Variants in ANKRD17 observed in about 807,000 individuals in gnomAD.
The protein encoded by ANKRD17 is ankyrin repeat domain-containing protein 17.
A neutral mutation model predicts 229.7 loss-of-function variants in ANKRD17; 19 were observed. The ratio of observed to expected loss-of-function variants is 0.08; its 90% CI spans 0.06 to 0.12. ANKRD17 has a LOEUF of 0.12. ANKRD17 is among the 10% of genes least tolerant of loss of function. ANKRD17 has a pLI of 1.00. For missense variants in ANKRD17, 2,176 were observed against 3,176.8 expected, an observed-to-expected ratio of 0.68 and a Z score of 7.57; for synonymous variants, 1,112 against 1,146.1, an observed-to-expected ratio of 0.97 and a Z score of 0.60.
intron 16 of ANKRD17, among the ~76,000 whole-genome samples, chr4:73,129,285 G>C (rs1727875951): frequency 1.3e-5 from 2 of 152,152 alleles, no homozygotes; most frequent in Admixed American, 1.3e-4. Flanking sequence ...TATTCTGTAA[G>C]TTATCAACAT....
rs371418274 is a variant in ANKRD17 at position 73,139,721 on chromosome 4, C to T, written c.2895G>A (p.Ala965=). The change falls in exon 15 of 34, where the codon GCG becomes GCA. Residue 965 remains alanine, a synonymous_variant. Transcript: ENST00000358602. The part of the protein sequence containing the change: ...PLAMPQALPL[A]AGPLPPGSIA... ...TGGACCCTGGAGGCAAGGGACCTGC[C>T]GCCAGAGGCAAAGCTTGAGGCATCG... 59 of 1,614,060 alleles carry T rather than the reference C, an allele frequency of 3.7e-5. No individual in the cohort carries two copies. The highest frequency in any genetic ancestry group is 4.5e-5 in the East Asian group (2 of 44,886).
intron 21 of ANKRD17, among the ~76,000 whole-genome samples, chr4:73,119,256 T>C (rs1726397536): frequency 6.6e-6 from 1 of 152,178 alleles, no homozygotes; most frequent in South Asian, 2.1e-4. Flanking sequence ...AAATATTCTG[T>C]AAAGATAAAA....
At chr4:73,097,298 T>C (rs781499552) in intron 26 of ANKRD17, 26 bp from the exon 27 acceptor site, 1 of 1,547,562 alleles carries the variant, frequency 6.5e-7, no homozygotes, top group Non-Finnish European at 8.7e-7. Flanking sequence ...GGAAAGTACA[T>C]TAAATATGGA....
chr4:73,113,315 AAAGAG>A, intron 24 of ANKRD17: 3 of 1,289,360 alleles, frequency 2.3e-6, no homozygotes, highest in Non-Finnish European at 3.0e-6. Context: ...AGTCTGCCTG[AAAGAG>A]AAAAGTACAA....
chr4:73,211,871 T>TA (rs1444605333), intron 1 of ANKRD17, among the ~76,000 whole-genome samples: 1 of 147,040 alleles, frequency 6.8e-6, no homozygotes, highest in Non-Finnish European at 1.5e-5. Flanking sequence ...AAAAAAAATC[T>TA]AATTGTAAGC....
chr4:73,105,288 C>T (rs1724480694), intron 24 of ANKRD17, among the ~76,000 whole-genome samples: 1 of 151,600 alleles, frequency 6.6e-6, no homozygotes, highest in Non-Finnish European at 1.5e-5. Flanking sequence ...ATGAGGTAAC[C>T]AGAGGAAAAA....
intron 2 of ANKRD17, among the ~76,000 whole-genome samples, chr4:73,165,613 T>C (rs1219070925): frequency 6.6e-6 from 1 of 152,168 alleles, no homozygotes; most frequent in Non-Finnish European, 1.5e-5. Flanking sequence ...ATTTGACAGA[T>C]TTTACTCCCA....
intron 30 of ANKRD17, among the ~76,000 whole-genome samples, chr4:73,080,559 GT>G (rs1172051001): frequency 2.6e-5 from 4 of 152,128 alleles, no homozygotes; most frequent in African/African-American, 9.7e-5. Flanking sequence ...ACAAAAGCTT[GT>G]TTTTTAAAAA....
intron 1 of ANKRD17, among the ~76,000 whole-genome samples, chr4:73,251,164 G>A (rs909299521): frequency 1.3e-5 from 2 of 152,074 alleles, no homozygotes; most frequent in African/African-American, 4.8e-5. Context: ...GAGTTTCACA[G>A]GACAGAAGGC....
In ANKRD17 at chr4:73,148,913, T is replaced by C. The variant is rs1434296978; in HGVS notation, c.1467A>G (p.Arg489=). 6.2e-7 allele frequency: 1 copy of C among 1,613,860 alleles called. No homozygotes were observed. Among genetic ancestry groups the C allele is most frequent in the Non-Finnish European group, 8.5e-7 (1 of 1,179,972 alleles). The change falls in exon 8 of 34, where the codon AGA becomes AGG. Residue 489 remains arginine (R), a synonymous_variant. Coordinates refer to ENST00000358602, the MANE Select transcript of ANKRD17 (RefSeq NM_032217.5). The part of the protein sequence containing the change: ...HVELAALLIE[R]GASLEEVNDE... ...CATTGACCTCTTCCAGGCTAGCTCCTCTTTCAATAAGTAAAGCCGCAAGTT... is the reference window on the plus strand; with the variant it reads ...CATTGACCTCTTCCAGGCTAGCTCCCCTTTCAATAAGTAAAGCCGCAAGTT...
intron 2 of ANKRD17, among the ~76,000 whole-genome samples, chr4:73,168,555 T>C (rs1023536162): frequency 6.6e-6 from 1 of 152,186 alleles, no homozygotes; most frequent in African/African-American, 2.4e-5. Flanking sequence ...CAGCCTACAG[T>C]CTCTAACAAA....
intron 1 of ANKRD17, among the ~76,000 whole-genome samples, chr4:73,223,904 T>C (rs1348061307): frequency 1.3e-5 from 2 of 152,168 alleles, no homozygotes; most frequent in African/African-American, 4.8e-5. Context: ...TAAAACTTGT[T>C]AGATTGTCAA....
At chr4:73,161,656 T>C (rs1311026062) in intron 2 of ANKRD17, among the ~76,000 whole-genome samples, 3 of 152,186 alleles carry the variant, frequency 2.0e-5, no homozygotes, top group East Asian at 1.9e-4. Flanking sequence ...CAAAGGTTGC[T>C]AAATTGGTAA....
intron 1 of ANKRD17, among the ~76,000 whole-genome samples, chr4:73,250,589 C>CAAAA (rs35160047): frequency 0.26 from 7,572 of 29,406 alleles, 2,266 homozygotes; most frequent in Middle Eastern, 0.31. Context: ...GACCTTGTCT[C>CAAAA]AAAAAAAAAA....
chr4:73,145,374 C>G (rs1384096895), intron 10 of ANKRD17, among the ~76,000 whole-genome samples: 2 of 152,094 alleles, frequency 1.3e-5, no homozygotes, highest in South Asian at 2.1e-4. Flanking sequence ...CTAAAACCAT[C>G]AACTCTAAGA....
In ANKRD17 at chr4:73,076,298, T is replaced by A. The variant is rs904655361; in HGVS notation, c.7753-8A>T. 13 of 1,579,768 alleles carry A rather than the reference T, an allele frequency of 8.2e-6. No homozygotes were observed. In the African/African-American group the frequency reaches 1.6e-4, roughly 20 times the overall value. On this transcript the variant is annotated splice_polypyrimidine_tract_variant and splice_region_variant and intron_variant, in intron 33 of 33. Coordinates refer to ENST00000358602, the MANE Select transcript of ANKRD17 (RefSeq NM_032217.5). ...CCAGGGTCCAGTCCACACCTATGAA[T>A]ATAGAGCATGCATTTTACAAAATAT...
At chr4:73,176,561 G>T (rs2148989976) in intron 2 of ANKRD17, among the ~76,000 whole-genome samples, 1 of 152,078 alleles carries the variant, frequency 6.6e-6, no homozygotes, top group South Asian at 2.1e-4. Context: ...AATACCAGAG[G>T]CTGGGGAGGG....
At chr4:73,101,496 C>T (rs952453454) in intron 25 of ANKRD17, among the ~76,000 whole-genome samples, 1 of 151,892 alleles carries the variant, frequency 6.6e-6, no homozygotes, top group Admixed American at 6.6e-5. Flanking sequence ...AAAACCCCAT[C>T]TCTACTAAAA....
rs1259342858 is a variant in ANKRD17, at chr4:73,140,283, G to A, written c.2333C>T (p.Ala778Val). 1 of 1,580,082 alleles carries A rather than the reference G, an allele frequency of 6.3e-7. No homozygotes were observed. Among genetic ancestry groups the A allele is most frequent in the Non-Finnish European group, 8.6e-7 (1 of 1,169,204 alleles). The change falls in exon 15 of 34, where the codon GCT (alanine) becomes GTT (valine). Residue 778 changes from alanine to valine, a missense_variant and splice_region_variant. By Grantham distance (64) the Ala-to-Val change is moderately conservative (BLOSUM62 0). Coordinates refer to ENST00000358602, the MANE Select transcript of ANKRD17 (RefSeq NM_032217.5). ...VATTLPIRNK[A>V]ASKQKSSSHL... is the part of the protein sequence containing the mutation. ...GCTGCTGGACTTTTGTTTAGAAGCA[G>A]CTGTGTGAAAAAGAAACCCCCTCAG...
Sources: allele counts gnomAD v4.1 joint callset (sites outside exome capture counted in the v4.1 genomes callset), GRCh38; gene constraint gnomAD v4.1.1; transcripts MANE v1.5; gene names NCBI Gene and HGNC (gene_info 2026-07-23, HGNC 2026-07-21).